The following TNIK variants were observed in gnomAD, a reference collection of about 807,000 sequenced individuals.
TNIK encodes the protein TRAF2 and NCK-interacting protein kinase.
In TNIK, 49 loss-of-function variants were observed where a neutral mutation model predicts 191.3. The observed-to-expected ratio is 0.26, with a 90% CI of 0.20 to 0.32. The LOEUF (loss-of-function observed/expected upper bound fraction) is 0.32. Among genes scored for constraint, TNIK ranks in the 10% least tolerant of loss-of-function variants. The pLI is 1.00. For synonymous variants in TNIK, 594 were observed against 600.9 expected (o/e 0.99, Z 0.17); for missense variants, 1,155 against 1,702.3 (o/e 0.68, Z 5.66).
At chr3:171,104,318 T>C (rs182793982) in intron 21 of TNIK, among the ~76,000 whole-genome samples, 1 of 152,254 alleles carries the variant, frequency 6.6e-6, no homozygotes, top group East Asian at 1.9e-4. Context: ...TCAATTCTAT[T>C]TTCATATATT....
intron 2 of TNIK, among the ~76,000 whole-genome samples, chr3:171,317,001 TA>T: frequency 8.2e-6 from 1 of 121,542 alleles, no homozygotes; most frequent in African/African-American, 3.0e-5. Flanking sequence ...TATATAATTA[TA>T]TGATATATAT....
chr3:171,071,391 G>A (rs1198435064), intron 28 of TNIK, 68 bp from the exon 29 acceptor site: 1 of 1,071,770 alleles, frequency 9.3e-7, no homozygotes, highest in Non-Finnish European at 1.3e-6. Context: ...TAATATTAAT[G>A]AATGTATAAG....
At chr3:171,372,088 C>T (rs572665595) in intron 1 of TNIK, among the ~76,000 whole-genome samples, 2 of 152,296 alleles carry the variant, frequency 1.3e-5, no homozygotes, top group Admixed American at 6.5e-5. Context: ...TCACTCGCCT[C>T]AGGGTCCCCT....
At chr3:171,347,277 CAT>C in intron 2 of TNIK, 1 of 1,490,714 alleles carries the variant, frequency 6.7e-7, no homozygotes, top group Non-Finnish European at 9.0e-7. Flanking sequence ...GCACCAAACA[CAT>C]AGAGCACACT....
At chr3:171,403,611 C>CAAAAAAAAAAAAAA (rs57982642) in intron 1 of TNIK, among the ~76,000 whole-genome samples, 1 of 100,168 alleles carries the variant, frequency 1.0e-5, no homozygotes, top group Non-Finnish European at 1.9e-5. Flanking sequence ...GACTCCGTAT[C>CAAAAAAAAAAAAAA]AAAAAAAAAA....
At chr3:171,139,681 T>G in intron 13 of TNIK, 125 bp from the exon 14 acceptor site, 9 of 764,726 alleles carry the variant, frequency 1.2e-5, no homozygotes, top group East Asian at 2.6e-5. Context: ...AATACCCAAA[T>G]ACCTTCTTAC....
intron 21 of TNIK, among the ~76,000 whole-genome samples, chr3:171,105,671 C>CA (rs892405683): frequency 1.3e-5 from 2 of 151,432 alleles, no homozygotes; most frequent in African/African-American, 2.4e-5. Flanking sequence ...TGCAGTACAC[C>CA]AAAAAAAAGT....
chr3:171,095,721 A>C (rs1398323975), intron 22 of TNIK, among the ~76,000 whole-genome samples: 1 of 152,196 alleles, frequency 6.6e-6, no homozygotes, highest in Non-Finnish European at 1.5e-5. Flanking sequence ...AAAAAATGAC[A>C]GGGGGAGTCC....
At chr3:171,265,640 A>G (rs1181571881) in intron 2 of TNIK, among the ~76,000 whole-genome samples, 1 of 152,240 alleles carries the variant, frequency 6.6e-6, no homozygotes, top group Non-Finnish European at 1.5e-5. Context: ...AGAATGGTTA[A>G]AGGTTGCAAG....
chr3:171,245,762 G>A (rs1745516819), intron 2 of TNIK, among the ~76,000 whole-genome samples: 1 of 152,164 alleles, frequency 6.6e-6, no homozygotes, highest in African/African-American at 2.4e-5. Context: ...ACTACTGAAT[G>A]CCTCAAATGC....
At chr3:171,305,472 A>C (rs1457020086) in intron 2 of TNIK, among the ~76,000 whole-genome samples, 1 of 152,190 alleles carries the variant, frequency 6.6e-6, no homozygotes, top group Non-Finnish European at 1.5e-5. Flanking sequence ...ACATCTAACG[A>C]AGTCTAATAT....
At chr3:171,185,177 CCG>C (rs1054356525) in intron 7 of TNIK, among the ~76,000 whole-genome samples, 5 of 117,958 alleles carry the variant, frequency 4.2e-5, no homozygotes, top group African/African-American at 1.6e-4. Flanking sequence ...TATAGATTTC[CCG>C]TGTGTGTGTG....
intron 4 of TNIK, among the ~76,000 whole-genome samples, chr3:171,207,605 G>A (rs1424473301): frequency 6.6e-6 from 1 of 152,084 alleles, no homozygotes; most frequent in Non-Finnish European, 1.5e-5. Flanking sequence ...GAGAGCAAGG[G>A]GGACTTCCAG....
At chr3:171,183,429 A>G (rs754458772) in intron 7 of TNIK, among the ~76,000 whole-genome samples, 5 of 152,168 alleles carry the variant, frequency 3.3e-5, no homozygotes, top group Non-Finnish European at 7.4e-5. Flanking sequence ...TGGGTAACTT[A>G]TTTGTGACTA....
intron 7 of TNIK, among the ~76,000 whole-genome samples, chr3:171,180,508 G>C (rs1736517912): frequency 6.6e-6 from 1 of 152,324 alleles, no homozygotes. Flanking sequence ...GTTGTCTGAT[G>C]TATCCAAAGT....
At chr3:171,152,656 C>T (rs1325120964) in intron 12 of TNIK, among the ~76,000 whole-genome samples, 2 of 152,182 alleles carry the variant, frequency 1.3e-5, no homozygotes, top group Non-Finnish European at 2.9e-5. Flanking sequence ...CGTCTTTTCA[C>T]TCCAAGTGCA....
chr3:171,173,122 C>T (rs982161505), intron 9 of TNIK, among the ~76,000 whole-genome samples: 4 of 151,326 alleles, frequency 2.6e-5, no homozygotes, highest in African/African-American at 9.7e-5. Flanking sequence ...CGGTGGCTCA[C>T]GCCTGTAATC....
Position 171,284,496 on chromosome 3 carries a change from A to G in TNIK, c.124-56275T>C, listed in dbSNP as rs540159808. On this transcript the variant is annotated intron_variant, in intron 2 of 32. Coordinates refer to ENST00000436636, the MANE Select transcript of TNIK (RefSeq NM_015028.4). ...CACTCTGAATCATCAGTCCGTCTTT[A>G]GAACTCCCCACATGGTCAGCTGAGG... is the stretch of plus-strand genomic sequence containing the variant. Among the ~76,000 whole-genome samples the G allele has an allele frequency of 5.3e-5, 8 of 152,320 alleles. No homozygotes were observed. In the South Asian group the frequency reaches 1.7e-3, roughly 32 times the overall value.
chr3:171,228,081 A>T, intron 3 of TNIK, 84 bp downstream of exon 3: 1 of 1,439,372 alleles, frequency 6.9e-7, no homozygotes, highest in South Asian at 1.2e-5. Flanking sequence ...TTTTCTACTT[A>T]TGATGGGCCT....
Sources: gnomAD v4.1 joint callset for allele counts (sites outside exome capture counted in the v4.1 genomes callset) on GRCh38, gnomAD v4.1.1 for gene constraint, MANE v1.5 for transcripts, NCBI Gene and HGNC (gene_info 2026-07-23, HGNC 2026-07-21) for gene names.